Variants in PTPRZ1 observed in about 807,000 individuals in gnomAD.
PTPRZ1 encodes receptor-type tyrosine-protein phosphatase zeta.
A neutral mutation model predicts 214.1 loss-of-function variants in PTPRZ1; 82 were observed. That is an observed-to-expected ratio of 0.38 (90% CI 0.32 to 0.46). The LOEUF is 0.46. PTPRZ1 is among the 20% of genes least tolerant of loss of function. The pLI, the probability that PTPRZ1 is intolerant of heterozygous loss-of-function variation, is 1.00. For synonymous variants in PTPRZ1, 945 were observed against 987.9 expected, an observed-to-expected ratio of 0.96 and a Z score of 0.81; for missense variants, 2,603 against 2,748.7, an observed-to-expected ratio of 0.95 and a Z score of 1.19.
rs758258326 is a variant in PTPRZ1, at chr7:121,873,315, GTCTCTC to G, written c.-176_-171del. 5.9e-6 allele frequency: 3 copies of G among 510,368 alleles called. No homozygotes were observed. Among genetic ancestry groups the G allele is most frequent in the Admixed American group, 6.7e-5 (2 of 29,974 alleles). The allele number at this position is 510,368 out of a possible 1,614,324, so 31.6% of individuals were successfully genotyped here. On this transcript the variant is annotated 5_prime_UTR_variant, in exon 1 of 30. Coordinates refer to ENST00000393386, the MANE Select transcript of PTPRZ1 (RefSeq NM_002851.3). ...ACTGTCTCTCTCTGTCTCTGTCTCTGTCTCTCTCTCTCTCACACACACACACACACA... is the reference window on the plus strand; with the variant it reads ...ACTGTCTCTCTCTGTCTCTGTCTCTGTCTCTCTCACACACACACACACACA...
intron 1 of PTPRZ1, among the ~76,000 whole-genome samples, chr7:121,923,298 C>T (rs1795655591): frequency 6.6e-6 from 1 of 152,120 alleles, no homozygotes; most frequent in African/African-American, 2.4e-5. Flanking sequence ...CTTTTTATGT[C>T]CTCGGATATT....
chr7:122,022,396 G>A (rs1401994998), intron 13 of PTPRZ1, among the ~76,000 whole-genome samples: 1 of 152,084 alleles, frequency 6.6e-6, no homozygotes, highest in Non-Finnish European at 1.5e-5. Context: ...TTGAGTTGTG[G>A]TTTTGTTTGT....
chr7:121,897,983 A>G (rs1294327607), intron 1 of PTPRZ1, among the ~76,000 whole-genome samples: 3 of 152,232 alleles, frequency 2.0e-5, no homozygotes. Flanking sequence ...TTAAATTAAA[A>G]GAAGGAAAAA....
At position 121,983,796 on chromosome 7, in the gene PTPRZ1, G is replaced by A. The variant is rs1308434365; in HGVS notation, c.751G>A (p.Asp251Asn). The change falls in exon 7 of 30, where the codon GAT (aspartate) becomes AAT (asparagine). Residue 251 changes from aspartate (D) to asparagine (N), a missense_variant. By Grantham distance (23) the Asp-to-Asn change is conservative (BLOSUM62 1). Around this residue, in one of 6 missense-constraint regions of PTPRZ1, gnomAD observed 244 missense variants for 333.2 expected, o/e 0.73. Coordinates refer to ENST00000393386, the MANE Select transcript of PTPRZ1 (RefSeq NM_002851.3). ...CACAGTTGACTGGATTGTTTTTAAA[G>A]ATACAGTTAGCATCTCTGAAAGCCA... The part of the protein sequence containing the change: ...TDTVDWIVFK[D>N]TVSISESQLA... 2 of 1,612,844 alleles carry A rather than the reference G, an allele frequency of 1.2e-6. No homozygotes were observed. Among genetic ancestry groups the A allele is most frequent in the South Asian group, 2.2e-5 (2 of 90,978 alleles).
intron 29 of PTPRZ1, among the ~76,000 whole-genome samples, chr7:122,060,683 C>T (rs541535106): frequency 1.3e-5 from 2 of 152,182 alleles, no homozygotes; most frequent in East Asian, 3.9e-4. Context: ...GAGATCTTTC[C>T]GTAAAGAGGC....
intron 2 of PTPRZ1, among the ~76,000 whole-genome samples, chr7:121,936,793 G>T (rs766141639): frequency 1.3e-5 from 2 of 152,228 alleles, no homozygotes; most frequent in Non-Finnish European, 2.9e-5. Flanking sequence ...AGACGTGGGG[G>T]CTTTGTGCTG....
intron 1 of PTPRZ1, among the ~76,000 whole-genome samples, chr7:121,898,232 A>G (rs1031598275): frequency 6.7e-6 from 1 of 148,828 alleles, no homozygotes; most frequent in Non-Finnish European, 1.5e-5. Flanking sequence ...TTCAGAGAAG[A>G]TTTCTTTTAA....
chr7:122,040,916 C>T lies in PTPRZ1; in HGVS notation c.5738C>T (p.Thr1913Ile), dbSNP rs1292004139. 4 of 1,604,022 alleles carry T rather than the reference C, an allele frequency of 2.5e-6. No homozygotes were observed. Among genetic ancestry groups the T allele is most frequent in the Non-Finnish European group, 3.4e-6 (4 of 1,172,484 alleles). Residue 1913 changes from threonine (T) to isoleucine (I), a missense_variant, in exon 21 of 30, where the codon ACC becomes ATC. By Grantham distance (89) the Thr-to-Ile change is moderately conservative. Transcript: ENST00000393386. ...GVPEYSLPVLTFVRKAAYAKR... is the reference protein window; with the variant it reads ...GVPEYSLPVLIFVRKAAYAKR... ...CCAGAGTACTCCCTGCCAGTGCTGA[C>T]CTTTGTGAGAAAGGCAGCCTATGCC...
intron 18 of PTPRZ1, among the ~76,000 whole-genome samples, chr7:122,038,029 G>A (rs1410301687): frequency 6.6e-6 from 1 of 152,148 alleles, no homozygotes; most frequent in Non-Finnish European, 1.5e-5. Context: ...AGAATGGCAG[G>A]AGAGAGAATG....
intron 25 of PTPRZ1, among the ~76,000 whole-genome samples, chr7:122,052,633 G>T (rs1009378927): frequency 2.6e-5 from 4 of 152,204 alleles, no homozygotes; most frequent in Non-Finnish European, 4.4e-5. Flanking sequence ...TGAGCCACTG[G>T]GTGATAGGAA....
At chr7:122,002,256 T>A (rs1032547177) in intron 10 of PTPRZ1, among the ~76,000 whole-genome samples, 12 of 152,184 alleles carry the variant, frequency 7.9e-5, no homozygotes, top group Non-Finnish European at 1.6e-4. Flanking sequence ...GTTCAAATGA[T>A]CTCAGTCCAG....
At chr7:121,970,646 GT>G (rs1301758618) in intron 3 of PTPRZ1, among the ~76,000 whole-genome samples, 1 of 152,108 alleles carries the variant, frequency 6.6e-6, no homozygotes, top group African/African-American at 2.4e-5. Flanking sequence ...TTTTGATGGG[GT>G]TGTTTGTTTT....
chr7:122,051,997 G>T (rs1463627022), intron 25 of PTPRZ1, 58 bp downstream of exon 25: 1 of 1,405,464 alleles, frequency 7.1e-7, no homozygotes, highest in Admixed American at 2.4e-5. Flanking sequence ...ATCAAAACCA[G>T]AATGGGCTGC....
At chr7:121,906,492 C>T (rs189002023) in intron 1 of PTPRZ1, among the ~76,000 whole-genome samples, 4 of 152,270 alleles carry the variant, frequency 2.6e-5, no homozygotes, top group Non-Finnish European at 4.4e-5. Flanking sequence ...ATTTGAGATA[C>T]GGTTCAGTAT....
intron 1 of PTPRZ1, among the ~76,000 whole-genome samples, chr7:121,878,998 TC>T (rs1794148998): frequency 6.6e-6 from 1 of 152,184 alleles, no homozygotes; most frequent in Non-Finnish European, 1.5e-5. Flanking sequence ...CCTTGACCTG[TC>T]CATCTTTAAT....
At chr7:122,043,163 C>G (rs926021474) in intron 22 of PTPRZ1, among the ~76,000 whole-genome samples, 1 of 152,154 alleles carries the variant, frequency 6.6e-6, no homozygotes, top group Non-Finnish European at 1.5e-5. Flanking sequence ...AGTTATCAGG[C>G]GGTTAGAGCT....
chr7:121,908,597 CTCTT>C (rs772105427), intron 1 of PTPRZ1: 1 of 361,188 alleles, frequency 2.8e-6, no homozygotes, highest in Non-Finnish European at 5.3e-6. Context: ...CTGTAATGTT[CTCTT>C]TATTTCCATT....
chr7:122,045,072 G>A (rs1334664975), intron 23 of PTPRZ1, among the ~76,000 whole-genome samples: 1 of 152,108 alleles, frequency 6.6e-6, no homozygotes, highest in Non-Finnish European at 1.5e-5. Flanking sequence ...CCATAAGCCA[G>A]AGACAAGAGC....
intron 2 of PTPRZ1, among the ~76,000 whole-genome samples, chr7:121,933,343 C>T (rs1222182791): frequency 1.3e-5 from 2 of 151,836 alleles, no homozygotes; most frequent in East Asian, 1.9e-4. Flanking sequence ...AGAAGTAGTA[C>T]GACAGAAATA....
Sources: allele counts gnomAD v4.1 joint callset (sites outside exome capture counted in the v4.1 genomes callset), GRCh38; gene constraint gnomAD v4.1.1; regional missense constraint gnomAD v4.1.1; transcripts MANE v1.5; gene names NCBI Gene and HGNC (gene_info 2026-07-23, HGNC 2026-07-21).